Variants in FRMPD4 observed in about 807,000 individuals in gnomAD.
FRMPD4 encodes FERM and PDZ domain-containing protein 4.
In FRMPD4, 22 loss-of-function variants were observed where a neutral mutation model predicts 94.1. The ratio of observed to expected loss-of-function variants is 0.23; its 90% CI spans 0.17 to 0.33. The LOEUF is 0.33. FRMPD4 is among the 10% of genes least tolerant of loss of function. The probability of loss-of-function intolerance (pLI) is 1.00; values close to 1 mark genes in which losing one functional copy is unlikely to be tolerated. For missense variants in FRMPD4, 1,111 were observed against 1,339.9 expected (o/e 0.83, Z 2.67); for synonymous variants, 631 against 548.6 (o/e 1.15, Z -2.10).
chrX:11,849,416 T>C (rs910506219), intron 1 of FRMPD4, among the ~76,000 whole-genome samples: 1 of 111,269 alleles, frequency 9.0e-6, no homozygotes, highest in Non-Finnish European at 1.9e-5. Context: ...AATAGAAAAG[T>C]TCATCGTAAA....
chrX:12,419,215 C>A (rs2056851026), intron 1 of FRMPD4, among the ~76,000 whole-genome samples: 1 of 111,503 alleles, frequency 9.0e-6, no homozygotes, highest in East Asian at 2.8e-4. Flanking sequence ...ACATCACCTC[C>A]TCCCCCTTGT....
At chrX:11,916,520 C>T (rs184773202) in intron 3 of FRMPD4, among the ~76,000 whole-genome samples, 6 of 110,638 alleles carry the variant, frequency 5.4e-5, no homozygotes, top group Middle Eastern at 4.6e-3. Flanking sequence ...ACGTGTTCAG[C>T]ATGAATTACA....
intron 1 of FRMPD4, among the ~76,000 whole-genome samples, chrX:12,370,582 T>C (rs1569249731): frequency 1.8e-5 from 2 of 112,131 alleles, no homozygotes; most frequent in African/African-American, 6.5e-5. Flanking sequence ...TCTCCAAGAT[T>C]CAGCCTTCCT....
At chrX:12,695,911 T>A (rs1475623409) in intron 9 of FRMPD4, among the ~76,000 whole-genome samples, 1 of 111,366 alleles carries the variant, frequency 9.0e-6, no homozygotes, top group Admixed American at 9.5e-5. Flanking sequence ...TAATTTTGTA[T>A]TTTTAGTAGA....
intron 1 of FRMPD4, among the ~76,000 whole-genome samples, chrX:12,193,035 T>C (rs1344562164): frequency 9.0e-6 from 1 of 111,512 alleles, no homozygotes; most frequent in Non-Finnish European, 1.9e-5. Context: ...ATGAAAAAAA[T>C]AGAGTGCGCA....
intron 3 of FRMPD4, among the ~76,000 whole-genome samples, chrX:12,069,270 T>C (rs1424785449): frequency 9.0e-6 from 1 of 111,627 alleles, no homozygotes; most frequent in Non-Finnish European, 1.9e-5. Context: ...GAGAAGTACA[T>C]TGGGCTGGTC....
intron 1 of FRMPD4, among the ~76,000 whole-genome samples, chrX:12,471,692 G>A (rs1353825165): frequency 8.9e-6 from 1 of 111,832 alleles, no homozygotes. Context: ...AGTTTTAGAT[G>A]CTCACTGTTG....
intron 1 of FRMPD4, among the ~76,000 whole-genome samples, chrX:12,289,364 A>G (rs1056198850): frequency 1.3e-4 from 15 of 112,201 alleles, no homozygotes; most frequent in Non-Finnish European, 5.6e-5. Context: ...TGTCCAATTC[A>G]GTAGACACTA....
chrX:12,682,805 C>T (rs947119470), intron 5 of FRMPD4, among the ~76,000 whole-genome samples: 1 of 111,727 alleles, frequency 9.0e-6, no homozygotes, highest in Non-Finnish European at 1.9e-5. Flanking sequence ...AGGAGAGAAT[C>T]ATAAAGCACA....
At chrX:12,396,273 C>T (rs1340224943) in intron 1 of FRMPD4, 1 of 111,642 alleles carries the variant, frequency 9.0e-6, no homozygotes, top group Non-Finnish European at 1.9e-5. Flanking sequence ...AGTTCTACTT[C>T]ACTATCAGTG....
At chrX:12,349,998 G>C (rs749130688) in intron 1 of FRMPD4, among the ~76,000 whole-genome samples, 66 of 111,502 alleles carry the variant, frequency 5.9e-4, no homozygotes, top group Non-Finnish European at 1.1e-3. Flanking sequence ...AGCAGGAAGG[G>C]GAGTTAAGAG....
chrX:12,151,841 A>T (rs2055855519), intron 1 of FRMPD4, among the ~76,000 whole-genome samples: 1 of 111,947 alleles, frequency 8.9e-6, no homozygotes. Context: ...TTTGCTTTGG[A>T]TAACAATGTG....
intron 2 of FRMPD4, among the ~76,000 whole-genome samples, chrX:12,535,487 G>A (rs752116026): frequency 6.2e-5 from 7 of 112,233 alleles, no homozygotes. Context: ...TGACACAATA[G>A]AAAGAGCAAG....
At chrX:12,534,773 G>A (rs2058320917) in intron 2 of FRMPD4, among the ~76,000 whole-genome samples, 1 of 112,756 alleles carries the variant, frequency 8.9e-6, no homozygotes, top group Non-Finnish European at 1.9e-5. Flanking sequence ...TACCTAGGAA[G>A]TAACTAACTT....
chrX:12,553,433 CCT>C (rs1491140493), intron 2 of FRMPD4, among the ~76,000 whole-genome samples: 2 of 28,751 alleles, frequency 7.0e-5, no homozygotes, highest in Non-Finnish European at 1.1e-4. Flanking sequence ...TATCCATATG[CCT>C]ATATATATAT....
chrX:12,407,124 C>T (rs998906779), intron 1 of FRMPD4, among the ~76,000 whole-genome samples: 5 of 111,421 alleles, frequency 4.5e-5, no homozygotes, highest in Admixed American at 9.5e-5. Flanking sequence ...GGTGATGGCA[C>T]TGAGCCCACC....
intron 1 of FRMPD4, among the ~76,000 whole-genome samples, chrX:12,447,759 C>T (rs113830158): frequency 0.026 from 2,908 of 111,846 alleles, 114 homozygotes; most frequent in African/African-American, 0.09. Context: ...CCAGTTAAGA[C>T]AATGCATGAC....
intron 3 of FRMPD4, among the ~76,000 whole-genome samples, chrX:12,044,655 G>A (rs964564596): frequency 1.5e-4 from 17 of 111,875 alleles, no homozygotes; most frequent in African/African-American, 5.5e-4. Flanking sequence ...CACTAATCAA[G>A]TCACTTAAAC....
chrX:12,245,464 C>T (rs1406053774), intron 1 of FRMPD4, among the ~76,000 whole-genome samples: 1 of 108,066 alleles, frequency 9.3e-6, no homozygotes, highest in African/African-American at 3.4e-5. Flanking sequence ...TAATTGACGT[C>T]ACCCACTTGG....
Sources: allele counts gnomAD v4.1 joint callset (sites outside exome capture counted in the v4.1 genomes callset), GRCh38; gene constraint gnomAD v4.1.1; transcripts MANE v1.5; gene names NCBI Gene and HGNC (gene_info 2026-07-23, HGNC 2026-07-21).